Variants in TNRC18 observed in about 807,000 individuals in gnomAD.
TNRC18 encodes trinucleotide repeat containing 18.
A neutral mutation model predicts 226.7 loss-of-function variants in TNRC18; 69 were observed. The observed-to-expected ratio is 0.30, with a 90% CI of 0.25 to 0.37. The LOEUF (loss-of-function observed/expected upper bound fraction) is 0.37, where lower values mean the gene tolerates loss of function less well. Ranked by LOEUF, TNRC18 falls within the 10% of genes least tolerant of loss-of-function variation. TNRC18 has a pLI of 1.00. For missense variants in TNRC18, 4,754 were observed against 4,256.6 expected, an observed-to-expected ratio of 1.12 and a Z score of -3.25; for synonymous variants, 2,449 against 1,927.6, an observed-to-expected ratio of 1.27 and a Z score of -7.09.
intron 16 of TNRC18, among the ~76,000 whole-genome samples, chr7:5,355,938 G>A (rs755239125): frequency 2.6e-5 from 4 of 152,096 alleles, no homozygotes; most frequent in Admixed American, 6.6e-5. Context: ...GCCGAGGCAG[G>A]TGGATCACCT....
chr7:5,379,400 GAA>G (rs34098204), intron 5 of TNRC18, among the ~76,000 whole-genome samples: 39 of 136,760 alleles, frequency 2.9e-4, no homozygotes, highest in African/African-American at 7.3e-4. Flanking sequence ...AGACTCTAAA[GAA>G]AAAAAAAAAA....
At chr7:5,319,005 T>C (rs1388154093) in intron 24 of TNRC18, among the ~76,000 whole-genome samples, 2 of 152,112 alleles carry the variant, frequency 1.3e-5, no homozygotes, top group Non-Finnish European at 2.9e-5. Context: ...ACAAAAGCGG[T>C]TCCCAGGATG....
chr7:5,367,776 C>G lies in TNRC18; in HGVS notation c.4219+2599G>C, dbSNP rs575271719. On this transcript the variant is annotated intron_variant, in intron 11 of 29. Coordinates refer to ENST00000430969, the MANE Select transcript of TNRC18 (RefSeq NM_001080495.3). Reference sequence around the variant, plus strand: ...TCTACCCAAAAAAAAAAAAAAGTTTCTATTGAACTATTTTCGTGAGAGAAA... The same window carrying G: ...TCTACCCAAAAAAAAAAAAAAGTTTGTATTGAACTATTTTCGTGAGAGAAA... Among the ~76,000 whole-genome samples, 562 of 151,730 alleles carry G rather than the reference C, an allele frequency of 3.7e-3. 7 individuals are homozygous for G. The highest frequency in any genetic ancestry group is 0.012 in the African/African-American group (517 of 41,414).
At chr7:5,328,651 G>A (rs1280098076) in intron 19 of TNRC18, among the ~76,000 whole-genome samples, 3 of 152,030 alleles carry the variant, frequency 2.0e-5, no homozygotes, top group Non-Finnish European at 4.4e-5. Context: ...TAGGACTACA[G>A]GTGACCGCCA....
intron 11 of TNRC18, among the ~76,000 whole-genome samples, chr7:5,363,447 CA>C (rs899102138): frequency 1.4e-4 from 21 of 150,274 alleles, no homozygotes; most frequent in Non-Finnish European, 2.8e-4. Flanking sequence ...CTAAAAAATA[CA>C]AAAAAATTAG....
intron 24 of TNRC18, among the ~76,000 whole-genome samples, chr7:5,319,352 C>A (rs1185671628): frequency 6.6e-6 from 1 of 151,872 alleles, no homozygotes; most frequent in Non-Finnish European, 1.5e-5. Context: ...TTTTTTTGCA[C>A]GGGCGGGGTT....
chr7:5,421,025 G>A (rs1245639299), intron 2 of TNRC18, 35 bp downstream of exon 2: 5 of 1,536,794 alleles, frequency 3.3e-6, no homozygotes, highest in Non-Finnish European at 4.4e-6. Context: ...TCCCTGGGAA[G>A]ACAGGAGGGG....
At chr7:5,384,974 T>C (rs1779654435) in intron 5 of TNRC18, among the ~76,000 whole-genome samples, 1 of 152,144 alleles carries the variant, frequency 6.6e-6, no homozygotes, top group South Asian at 2.1e-4. Flanking sequence ...GAGCCCCACC[T>C]CCCAACTCAA....
rs1371564878 is a variant in TNRC18, at chr7:5,357,197, T to C, written c.4913A>G (p.Lys1638Arg). 6.2e-7 allele frequency: 1 copy of C among 1,611,454 alleles called. No homozygotes were observed. The highest frequency in any genetic ancestry group is 8.5e-7 in the Non-Finnish European group (1 of 1,178,972). Residue 1638 changes from lysine (K) to arginine (R), a missense_variant, in exon 16 of 30, where the codon AAG becomes AGG. By Grantham distance (26) the Lys-to-Arg change is conservative. Transcript: ENST00000430969. Reference protein sequence around the residue: ...SKLDKALSLTKQDKLKSPFKF... With the variant: ...SKLDKALSLTRQDKLKSPFKF... ...GAAGGGCGACTTCAACTTGTCCTGC[T>C]TGGTGAGGGAGAGGGCCTTGTCGAG...
chr7:5,408,636 C>T (rs1306813759), intron 2 of TNRC18, among the ~76,000 whole-genome samples: 1 of 151,926 alleles, frequency 6.6e-6, no homozygotes, highest in African/African-American at 2.4e-5. Context: ...AATGAGACTC[C>T]GTCTCAAAAA....
chr7:5,327,731 C>T (rs1209464608), intron 19 of TNRC18, among the ~76,000 whole-genome samples: 1 of 152,116 alleles, frequency 6.6e-6, no homozygotes, highest in Non-Finnish European at 1.5e-5. Flanking sequence ...TGGGTGCCTT[C>T]CCCTACTTTT....
At chr7:5,347,773 G>C (rs1724428229) in intron 17 of TNRC18, among the ~76,000 whole-genome samples, 1 of 151,946 alleles carries the variant, frequency 6.6e-6, no homozygotes, top group South Asian at 2.1e-4. Flanking sequence ...TGGCCAACCT[G>C]GTGAAACCCC....
chr7:5,325,340 T>A, intron 19 of TNRC18, 92 bp from the exon 20 acceptor site: 1 of 1,429,206 alleles, frequency 7.0e-7, no homozygotes, highest in East Asian at 2.6e-5. Context: ...CCCCAAGTTC[T>A]GTGCCACCCC....
intron 18 of TNRC18, among the ~76,000 whole-genome samples, chr7:5,334,599 C>T (rs1279977867): frequency 6.6e-6 from 1 of 151,964 alleles, no homozygotes; most frequent in East Asian, 1.9e-4. Context: ...CTTTTGCTAA[C>T]AAGACTTTCC....
chr7:5,313,900 C>A (rs765007251), intron 26 of TNRC18, 37 bp from the exon 27 acceptor site: 3 of 1,427,502 alleles, frequency 2.1e-6, no homozygotes, highest in Non-Finnish European at 1.8e-6. Flanking sequence ...GGGGCGGGGG[C>A]TTCCTGGCAG....
chr7:5,421,926 T>G (rs1413518368), intron 1 of TNRC18, among the ~76,000 whole-genome samples: 2 of 152,254 alleles, frequency 1.3e-5, no homozygotes, highest in African/African-American at 2.4e-5. Context: ...ACTCTGGCAC[T>G]ATCTGATCCG....
chr7:5,309,468 T>C lies in TNRC18; in HGVS notation c.8389-100A>G. 2.0e-6 allele frequency: 2 copies of C among 1,020,876 alleles called. No individual in the cohort carries two copies. The highest frequency in any genetic ancestry group is 2.9e-6 in the Non-Finnish European group (2 of 699,412). 63.2% of individuals were successfully genotyped at this position (1,020,876 alleles called of 1,614,324 possible). On this transcript the variant is annotated intron_variant, in intron 27 of 29. Coordinates refer to ENST00000430969, the MANE Select transcript of TNRC18 (RefSeq NM_001080495.3). This position sits in a 1 kb window ranked among gnomAD's most constrained non-coding sequence, Gnocchi z 5.7. Reference sequence around the variant, plus strand: ...CTTGGGACTCTGGGCCCTCGGCCTCTAAATCAACCCCTATCCAACTGTGGG... The same window carrying C: ...CTTGGGACTCTGGGCCCTCGGCCTCCAAATCAACCCCTATCCAACTGTGGG...
Position 5,394,845 on chromosome 7 carries a change from A to C in TNRC18, c.188-250T>G, listed in dbSNP as rs933081470. Among the ~76,000 whole-genome samples the C allele has an allele frequency of 1.3e-5, 2 of 151,524 alleles. No homozygotes were observed. Among genetic ancestry groups the C allele is most frequent in the African/African-American group, 4.9e-5 (2 of 41,202 alleles). ...TACGGCAGGAAGCCCCCCACAGCAG[A>C]CCCTCAGCCCTGGGCACCCCGCACC... On this transcript the variant is annotated intron_variant, in intron 2 of 29. Transcript: ENST00000430969. The surrounding 1 kb of genome is among the most constrained non-coding windows in gnomAD (Gnocchi z 4.5).
At chr7:5,350,315 C>T (rs968162649) in intron 17 of TNRC18, among the ~76,000 whole-genome samples, 1 of 151,798 alleles carries the variant, frequency 6.6e-6, no homozygotes, top group Non-Finnish European at 1.5e-5. Flanking sequence ...CCCGGGGCAT[C>T]GTACTCCTCG....
Sources: gnomAD v4.1 joint callset for allele counts (sites outside exome capture counted in the v4.1 genomes callset) on GRCh38, gnomAD v4.1.1 for gene constraint, Gnocchi (gnomAD v3.1) non-coding constraint, MANE v1.5 for transcripts, NCBI Gene and HGNC (gene_info 2026-07-23, HGNC 2026-07-21) for gene names.